ZFX: variants seen among roughly 807,000 people sequenced by gnomAD.
The protein encoded by ZFX is zinc finger protein X-linked, also known as zinc finger X-chromosomal protein.
For synonymous variants in ZFX, 196 were observed against 226.8 expected, an observed-to-expected ratio of 0.86 and a Z score of 1.22; for missense variants, 362 against 628.3, an observed-to-expected ratio of 0.58 and a Z score of 4.53.
intron 3 of ZFX, among the ~76,000 whole-genome samples, chrX:24,162,449 T>A (rs749421422): frequency 1.8e-5 from 2 of 112,338 alleles, no homozygotes; most frequent in African/African-American, 6.5e-5. Context: ...CAAGTAATAA[T>A]TATATCTTCT....
Position 24,209,489 on chromosome X carries a change from G to A in ZFX, c.1234+449G>A, listed in dbSNP as rs1399117935. On this transcript the variant is annotated intron_variant, in intron 9 of 9. Transcript: ENST00000304543. ...TGGGTATATTTAAACTTTGCTGTAAGTTAACGTAAGTTATGTTTTTTGGAA... is the reference window on the plus strand; with the variant it reads ...TGGGTATATTTAAACTTTGCTGTAAATTAACGTAAGTTATGTTTTTTGGAA... Among the ~76,000 whole-genome samples the A allele has an allele frequency of 3.6e-5, 4 of 112,404 alleles. No homozygotes were observed. The East Asian group carries it at 1.1e-3, about 31-fold the overall frequency.
At chrX:24,161,919 C>G (rs773442896) in intron 3 of ZFX, 1 of 108,293 alleles carries the variant, frequency 9.2e-6, no homozygotes, top group South Asian at 4.1e-4. Flanking sequence ...AGCCTGGTCT[C>G]GAACTCCTGA....
intron 7 of ZFX, 141 bp downstream of exon 7, chrX:24,207,996 T>C: frequency 1.1e-6 from 1 of 906,892 alleles, no homozygotes; most frequent in Non-Finnish European, 1.5e-6. Flanking sequence ...CTTTTATATA[T>C]GCTTATGATG....
chrX:24,188,057 A>T (rs1936268794), intron 5 of ZFX, among the ~76,000 whole-genome samples: 1 of 110,111 alleles, frequency 9.1e-6, no homozygotes, highest in African/African-American at 3.3e-5. Flanking sequence ...CTGTAATCCC[A>T]GCTACTCAGG....
At chrX:24,168,984 C>T (rs1934295793) in intron 3 of ZFX, among the ~76,000 whole-genome samples, 1 of 111,054 alleles carries the variant, frequency 9.0e-6, no homozygotes, top group African/African-American at 3.3e-5. Context: ...TACATTATCA[C>T]GTACCTTCTT....
rs769685670 is a variant in ZFX at position 24,201,037 on chromosome X, A to G, written c.647-6289A>G. ...GAGAAGGCACTTATGCAGGAATCAT[A>G]GGTAGGATGACTCAATTTTATCGAA... On this transcript the variant is annotated intron_variant, in intron 5 of 9. Transcript: ENST00000304543. Among the ~76,000 whole-genome samples, 99 of 112,330 alleles carry G rather than the reference A, an allele frequency of 8.8e-4. 1 individual carries two copies. Among genetic ancestry groups the G allele is most frequent in the Admixed American group, 1.4e-3 (15 of 10,571 alleles).
At chrX:24,192,051 A>G (rs753118038) in intron 5 of ZFX, among the ~76,000 whole-genome samples, 1 of 112,086 alleles carries the variant, frequency 8.9e-6, no homozygotes, top group African/African-American at 3.2e-5. Flanking sequence ...GATGTTGAAT[A>G]ATATCAAGTC....
intron 3 of ZFX, among the ~76,000 whole-genome samples, chrX:24,158,917 T>C (rs976499079): frequency 7.2e-5 from 8 of 111,091 alleles, no homozygotes; most frequent in Non-Finnish European, 1.5e-4. Flanking sequence ...GAGTTTCTAC[T>C]GTGAGCAGGA....
intron 3 of ZFX, among the ~76,000 whole-genome samples, chrX:24,170,982 A>G (rs992419023): frequency 4.5e-5 from 5 of 112,193 alleles, no homozygotes; most frequent in African/African-American, 1.6e-4. Flanking sequence ...TGAGTAGAAT[A>G]TATCTCAGAG....
At chrX:24,208,724 G>A (rs1452036890) in intron 8 of ZFX, among the ~76,000 whole-genome samples, 176 bp from the exon 9 acceptor site, 12 of 111,256 alleles carry the variant, frequency 1.1e-4, no homozygotes, top group Admixed American at 3.8e-4. Context: ...GAAGCTAGGC[G>A]TTTCCTACGG....
In ZFX at chrX:24,213,675, GTGTTTTTTT is replaced by G. The variant is rs1938259774; in HGVS notation, c.*2301_*2309del. 2 of 77,268 alleles carry G rather than the reference GTGTTTTTTT, an allele frequency of 2.6e-5. No homozygotes were observed. Among genetic ancestry groups the G allele is most frequent in the African/African-American group, 1.1e-4 (2 of 17,911 alleles). 6.4% of individuals were successfully genotyped at this position (77,268 alleles called of 1,213,427 possible). On this transcript the variant is annotated 3_prime_UTR_variant, in exon 10 of 10. Coordinates refer to ENST00000304543, the MANE Select transcript of ZFX (RefSeq NM_003410.4). ...CCTGTACCTTCTTGGCCCCCATAAT[GTGTTTTTTT>G]TTTTTTTTTTTTTTTAAACTAACTT...
chrX:24,157,445 G>A (rs1398125151), intron 3 of ZFX, among the ~76,000 whole-genome samples: 2 of 112,003 alleles, frequency 1.8e-5, no homozygotes, highest in East Asian at 5.6e-4. Flanking sequence ...TGTTGTCTAG[G>A]CAGCAGTCAT....
At chrX:24,192,810 G>A (rs1936627945) in intron 5 of ZFX, among the ~76,000 whole-genome samples, 1 of 108,629 alleles carries the variant, frequency 9.2e-6, no homozygotes, top group African/African-American at 3.4e-5. Flanking sequence ...TGGGAGGGTT[G>A]CTTGAGCCCA....
intron 7 of ZFX, 93 bp downstream of exon 7, chrX:24,207,948 T>G (rs1601978743): frequency 1.9e-6 from 2 of 1,034,773 alleles, no homozygotes; most frequent in East Asian, 6.1e-5. Flanking sequence ...TTTTAGAGAT[T>G]ATTATGCTAC....
chrX:24,196,548 C>CT (rs775592212), intron 5 of ZFX, among the ~76,000 whole-genome samples: 2 of 112,474 alleles, frequency 1.8e-5, no homozygotes, highest in African/African-American at 6.5e-5. Flanking sequence ...TTGCATACAG[C>CT]TTTTTTCCCC....
rs199548791 is a variant in ZFX at position 24,208,295 on chromosome X, G to A, written c.1018G>A (p.Ala340Thr). 4.6e-5 allele frequency: 56 copies of A among 1,209,514 alleles called. No homozygotes were observed. Among genetic ancestry groups the A allele is most frequent in the South Asian group, 8.9e-5 (5 of 56,346 alleles). ...EEDAAAAAAA[A>T]AVHEQQMDDN... ...GGATGCTGCAGCAGCAGCGGCAGCC[G>A]CCGCCGTGCACGAGCAGCAAATGGA... Residue 340 changes from alanine (A) to threonine (T), a missense_variant, in exon 8 of 10, where the codon GCC (alanine) becomes ACC (threonine). Ala to Thr is a moderately conservative substitution (Grantham distance 58, BLOSUM62 0). Transcript: ENST00000304543.
chrX:24,156,555 A>G (rs971006114), intron 3 of ZFX, among the ~76,000 whole-genome samples: 4 of 111,026 alleles, frequency 3.6e-5, no homozygotes, highest in Non-Finnish European at 7.5e-5. Context: ...AACTCCTGAG[A>G]TATATCATAT....
rs1342458020 is a variant in ZFX, at chrX:24,179,204, A to T, written c.80A>T (p.Asp27Val). Residue 27 changes from aspartate (D) to valine (V), a missense_variant, in exon 5 of 10, where the codon GAT becomes GTT. Coordinates refer to ENST00000304543, the MANE Select transcript of ZFX (RefSeq NM_003410.4). The stretch of plus-strand genomic sequence containing the variant: ...TAAGGAGCTGATGGTACACACATGG[A>T]TGGTGATCAAATTGTTGTGGAAGTA... ...DATGADGTHM[D>V]GDQIVVEVQE... is the part of the protein sequence containing the mutation. 8.3e-7 allele frequency: 1 copy of T among 1,210,883 alleles called. No homozygotes were observed. The highest frequency in any genetic ancestry group is 1.7e-5 in the African/African-American group (1 of 57,701).
At chrX:24,150,181 A>AGG (rs777826040) in intron 1 of ZFX, 2 of 13,169 alleles carry the variant, frequency 1.5e-4, no homozygotes, top group Non-Finnish European at 5.8e-4. Context: ...AATATCGGTG[A>AGG]GGGGGGGGGA....
Sources: allele counts gnomAD v4.1 joint callset (sites outside exome capture counted in the v4.1 genomes callset), GRCh38; gene constraint gnomAD v4.1.1; transcripts MANE v1.5; gene names NCBI Gene and HGNC (gene_info 2026-07-23, HGNC 2026-07-21).